Variants in RAB5A observed in about 807,000 individuals in gnomAD.
RAB5A encodes the protein ras-related protein Rab-5A.
Under a neutral mutation model 25.7 loss-of-function variants are expected in RAB5A, and 8 were observed. The ratio of observed to expected loss-of-function variants is 0.31; its 90% CI spans 0.18 to 0.56. The LOEUF (loss-of-function observed/expected upper bound fraction) is 0.56, where lower values mean the gene tolerates loss of function less well. Among genes scored for constraint, RAB5A ranks in the 20% least tolerant of loss-of-function variants. The pLI is 0.91. For missense variants in RAB5A, 192 were observed against 259.7 expected, an observed-to-expected ratio of 0.74 and a Z score of 1.79; for synonymous variants, 98 against 89.8, an observed-to-expected ratio of 1.09 and a Z score of -0.52.
intron 2 of RAB5A, among the ~76,000 whole-genome samples, chr3:19,953,060 A>G (rs1433680921): frequency 2.0e-5 from 3 of 149,652 alleles, no homozygotes; most frequent in Admixed American, 6.6e-5. Context: ...TCTCTTTATT[A>G]TTTTATTAAA....
Position 19,984,006 on chromosome 3 carries a change from TCTCA to T in RAB5A, c.*186_*189del. 3.6e-6 allele frequency: 2 copies of T among 548,956 alleles called. No individual in the cohort carries two copies. The highest frequency in any genetic ancestry group is 6.6e-6 in the Non-Finnish European group (2 of 301,256). The allele number at this position is 548,956 out of a possible 1,614,324, so 34.0% of individuals were successfully genotyped here. On this transcript the variant is annotated 3_prime_UTR_variant, in exon 6 of 6. Coordinates refer to ENST00000273047, the MANE Select transcript of RAB5A (RefSeq NM_004162.5). The stretch of plus-strand genomic sequence containing the variant: ...ATTTTTAATAACATGCATGGGTCCC[TCTCA>T]CTAATGTTTCAACAATAGGGAAAAA...
intron 2 of RAB5A, among the ~76,000 whole-genome samples, chr3:19,956,285 A>G (rs531913857): frequency 1.3e-5 from 2 of 152,268 alleles, no homozygotes; most frequent in South Asian, 2.1e-4. Context: ...AGCCTGGCCA[A>G]CATGGTAAAA....
chr3:19,951,325 A>G, intron 2 of RAB5A: 1 of 332,292 alleles, frequency 3.0e-6, no homozygotes, highest in Non-Finnish European at 5.6e-6. Flanking sequence ...TGTCTCAAGT[A>G]ATAACATTTG....
rs554815185 is a variant in RAB5A, at chr3:19,952,342, T to C, written c.163+1281T>C. Among the ~76,000 whole-genome samples the C allele has an allele frequency of 5.3e-5, 8 of 152,356 alleles. No homozygotes were observed. The East Asian group carries it at 1.3e-3, about 26-fold the overall frequency. Reference sequence around the variant, plus strand: ...GATTCACAATATTTTGCAAGTGATATATAATTAAGCAATGCTGTTTTCTAA... The same window carrying C: ...GATTCACAATATTTTGCAAGTGATACATAATTAAGCAATGCTGTTTTCTAA... On this transcript the variant is annotated intron_variant, in intron 2 of 5. Coordinates refer to ENST00000273047, the MANE Select transcript of RAB5A (RefSeq NM_004162.5).
At chr3:19,968,546 C>T (rs1038863646) in intron 2 of RAB5A, among the ~76,000 whole-genome samples, 14 of 152,182 alleles carry the variant, frequency 9.2e-5, no homozygotes, top group Non-Finnish European at 1.8e-4. Context: ...GCAACCTCCG[C>T]CTCCAGGATT....
At chr3:19,976,309 A>G in intron 4 of RAB5A, 140 bp downstream of exon 4, 1 of 923,486 alleles carries the variant, frequency 1.1e-6, no homozygotes, top group South Asian at 2.1e-5. Flanking sequence ...ATAAAGTACT[A>G]CATATAATAA....
intron 2 of RAB5A, 169 bp downstream of exon 2, chr3:19,951,230 A>G: frequency 1.6e-6 from 1 of 638,130 alleles, no homozygotes; most frequent in Non-Finnish European, 2.5e-6. Context: ...TGTTAAAATG[A>G]TGTGTTTTTA....
Position 19,951,300 on chromosome 3 carries a change from CAT to C in RAB5A, c.163+240_163+241del, listed in dbSNP as rs1696418664. On this transcript the variant is annotated intron_variant, in intron 2 of 5. Coordinates refer to ENST00000273047, the MANE Select transcript of RAB5A (RefSeq NM_004162.5). Reference sequence around the variant, plus strand: ...TTGTAGCTAAAATACAGATAAAAAACATGAGTAGAATCAGTGTCTCAAGTAAT... The same window carrying C: ...TTGTAGCTAAAATACAGATAAAAAACGAGTAGAATCAGTGTCTCAAGTAAT... The C allele has an allele frequency of 1.0e-5, 4 of 388,790 alleles. No individual in the cohort carries two copies. The Admixed American group carries it at 1.6e-4, about 16-fold the overall frequency. 24.1% of individuals were successfully genotyped at this position (388,790 alleles called of 1,614,324 possible).
intron 2 of RAB5A, among the ~76,000 whole-genome samples, chr3:19,972,659 G>T (rs1489828923): frequency 2.6e-5 from 4 of 152,086 alleles, no homozygotes; most frequent in Non-Finnish European, 4.4e-5. Flanking sequence ...ATGCCTTTTT[G>T]TAATTTGTTT....
rs145733966 is a variant in RAB5A, at chr3:19,977,771, A to G, written c.439-539A>G. On this transcript the variant is annotated intron_variant, in intron 4 of 5. Coordinates refer to ENST00000273047, the MANE Select transcript of RAB5A (RefSeq NM_004162.5). ...AGCTATGAGGATCAAAAGTAATAAT[A>G]TATGTAAACTGTAAAAGCATGACAA... Among the ~76,000 whole-genome samples, 787 of 152,352 alleles carry G rather than the reference A, an allele frequency of 5.2e-3. 5 individuals carry two copies. The highest frequency in any genetic ancestry group is 0.018 in the African/African-American group (736 of 41,584).
intron 1 of RAB5A, among the ~76,000 whole-genome samples, chr3:19,950,360 C>T (rs929592204): frequency 6.6e-6 from 1 of 152,168 alleles, no homozygotes; most frequent in Non-Finnish European, 1.5e-5. Context: ...CATAATTTTT[C>T]TCAAAACAAT....
Position 19,985,138 on chromosome 3 carries a change from G to C in RAB5A, c.*1315G>C. The C allele has an allele frequency of 2.5e-6, 1 of 399,318 alleles. No individual in the cohort carries two copies. The highest frequency in any genetic ancestry group is 4.4e-6 in the Non-Finnish European group (1 of 226,152). 24.7% of individuals were successfully genotyped at this position (399,318 alleles called of 1,614,324 possible). A position where few individuals can be genotyped will look rare whatever the true frequency, so the allele number is the denominator to read the frequency against. The stretch of plus-strand genomic sequence containing the variant: ...GTTCACCAGTGTTTAGTTTTATATT[G>C]AGGTGCTCAGGTTGGAATAAAGTGG... On this transcript the variant is annotated 3_prime_UTR_variant, in exon 6 of 6. Coordinates refer to ENST00000273047, the MANE Select transcript of RAB5A (RefSeq NM_004162.5).
chr3:19,966,400 T>C (rs184639135), intron 2 of RAB5A, among the ~76,000 whole-genome samples: 160 of 152,370 alleles, frequency 1.1e-3, no homozygotes, highest in Middle Eastern at 3.4e-3. Flanking sequence ...GGCTGGATAA[T>C]ATTCCATTGT....
intron 2 of RAB5A, among the ~76,000 whole-genome samples, chr3:19,974,963 C>A (rs1162668519): frequency 6.6e-6 from 1 of 152,058 alleles, no homozygotes; most frequent in Non-Finnish European, 1.5e-5. Context: ...TGGTGGCTTA[C>A]GCCTGTCATC....
chr3:19,960,153 T>C (rs745846060), intron 2 of RAB5A, among the ~76,000 whole-genome samples: 3 of 152,208 alleles, frequency 2.0e-5, no homozygotes, highest in Non-Finnish European at 4.4e-5. Flanking sequence ...TAACCTGACA[T>C]TGCATATACA....
Position 19,947,266 on chromosome 3 carries a change from C to CCGGCGGCGGCGGCGGCGGCGG in RAB5A, c.-348_-328dup, listed in dbSNP as rs67898127. On this transcript the variant is annotated 5_prime_UTR_variant, in exon 1 of 6. Transcript: ENST00000273047. ...GGAAGAATTAGTCGGAACTCCAGCG[C>CCGGCGGCGGCGGCGGCGGCGG]CGGCGGCGGCGGCGGCGGCGGAGGA... The CCGGCGGCGGCGGCGGCGGCGG allele has an allele frequency of 3.3e-5, 6 of 182,938 alleles. No homozygotes were observed. Among genetic ancestry groups the CCGGCGGCGGCGGCGGCGGCGG allele is most frequent in the Admixed American group, 1.3e-4 (2 of 15,576 alleles). The allele number at this position is 182,938 out of a possible 1,614,324, so 11.3% of individuals were successfully genotyped here.
At chr3:19,973,008 A>T (rs951514688) in intron 2 of RAB5A, among the ~76,000 whole-genome samples, 3 of 152,244 alleles carry the variant, frequency 2.0e-5, no homozygotes, top group African/African-American at 4.8e-5. Flanking sequence ...AATTTGCCAC[A>T]CACTTAATAC....
intron 5 of RAB5A, among the ~76,000 whole-genome samples, chr3:19,979,067 C>T (rs1045432120): frequency 2.0e-5 from 3 of 151,994 alleles, no homozygotes; most frequent in Non-Finnish European, 4.4e-5. Context: ...ACCTCCACTT[C>T]CCGGATTCAA....
rs755526282 is a variant in RAB5A at position 19,983,826 on chromosome 3, C to G, written c.*3C>G. The G allele has an allele frequency of 1.3e-6, 2 of 1,572,660 alleles. No individual in the cohort carries two copies. The highest frequency in any genetic ancestry group is 8.7e-7 in the Non-Finnish European group (1 of 1,144,536). On this transcript the variant is annotated 3_prime_UTR_variant, in exon 6 of 6. Coordinates refer to ENST00000273047, the MANE Select transcript of RAB5A (RefSeq NM_004162.5). ...GGAATCAGTGTTGTAGTAACTAAAC[C>G]TCTAGTTTGAACTAGCTGGAATAGT...
Sources: gnomAD v4.1 joint callset for allele counts (sites outside exome capture counted in the v4.1 genomes callset) on GRCh38, gnomAD v4.1.1 for gene constraint, MANE v1.5 for transcripts, NCBI Gene and HGNC (gene_info 2026-07-23, HGNC 2026-07-21) for gene names.